The following IQANK1 variants were observed in gnomAD, a reference collection of about 807,000 sequenced individuals.
IQANK1 encodes the protein IQ motif and ankyrin repeat containing 1, also known as IQ motif and ankyrin repeat domain-containing protein 1.
In IQANK1, 30 loss-of-function variants were observed where a neutral mutation model predicts 22.6. The ratio of observed to expected loss-of-function variants is 1.33; its 90% CI spans 0.99 to 1.80. IQANK1 has a LOEUF of 1.80. Among genes scored for constraint, IQANK1 ranks in the 40% most tolerant of loss-of-function variants. The pLI is 0.00. For missense variants in IQANK1, 275 were observed against 235.2 expected, an observed-to-expected ratio of 1.17 and a Z score of -1.11; for synonymous variants, 122 against 99.6, an observed-to-expected ratio of 1.23 and a Z score of -1.34.
intron 3 of IQANK1, chr8:143,743,800 C>T (rs782095645): frequency 5.6e-5 from 23 of 408,444 alleles, no homozygotes; most frequent in Non-Finnish European, 9.5e-5. Context: ...ACATTAGTTT[C>T]ATATATTGTA....
intron 3 of IQANK1, among the ~76,000 whole-genome samples, chr8:143,764,834 T>A (rs1819457381): frequency 6.6e-6 from 1 of 152,110 alleles, no homozygotes; most frequent in African/African-American, 2.4e-5. Flanking sequence ...CTCAAGGAAT[T>A]GCTGGATGCA....
intron 3 of IQANK1, chr8:143,744,704 CCTT>C (rs1371136529): frequency 3.3e-5 from 5 of 152,202 alleles, no homozygotes; most frequent in Admixed American, 2.6e-4. Flanking sequence ...GCAAAGCACT[CCTT>C]CTATCAGGCT....
At chr8:143,778,433 G>A (rs1819732662) in intron 7 of IQANK1, among the ~76,000 whole-genome samples, 1 of 152,188 alleles carries the variant, frequency 6.6e-6, no homozygotes, top group South Asian at 2.1e-4. Context: ...AATGACAAAT[G>A]TAGGAATTCA....
chr8:143,764,349 T>C (rs1554629064), intron 3 of IQANK1, among the ~76,000 whole-genome samples: 1 of 151,646 alleles, frequency 6.6e-6, no homozygotes, highest in African/African-American at 2.4e-5. Flanking sequence ...GCGCAGTGGC[T>C]CCTGCCTTAA....
intron 3 of IQANK1, among the ~76,000 whole-genome samples, chr8:143,765,425 A>G (rs1037173995): frequency 2.0e-5 from 3 of 152,116 alleles, no homozygotes; most frequent in African/African-American, 4.8e-5. Context: ...GAGAATGTCT[A>G]TCTTTACATT....
intron 3 of IQANK1, among the ~76,000 whole-genome samples, chr8:143,767,016 G>A (rs1471298622): frequency 2.0e-5 from 3 of 152,214 alleles, no homozygotes; most frequent in African/African-American, 7.2e-5. Context: ...TGAACCCACG[G>A]CCACTGGTCT....
chr8:143,783,390 A>G (rs1272227928), intron 7 of IQANK1, among the ~76,000 whole-genome samples: 1 of 152,172 alleles, frequency 6.6e-6, no homozygotes, highest in Non-Finnish European at 1.5e-5. Flanking sequence ...TCTTTTTAAA[A>G]GTAGTACCTG....
intron 7 of IQANK1, 69 bp downstream of exon 7, chr8:143,772,551 A>G (rs577882893): frequency 1.5e-5 from 6 of 397,916 alleles, no homozygotes; most frequent in East Asian, 1.4e-4. Context: ...GGGAGGTGTG[A>G]GCCCCGGGAG....
At chr8:143,777,756 TAAAA>T (rs1412698383) in intron 7 of IQANK1, among the ~76,000 whole-genome samples, 1 of 151,898 alleles carries the variant, frequency 6.6e-6, no homozygotes. Context: ...ATGGAATTCT[TAAAA>T]AATATTGCCA....
chr8:143,758,751 A>G lies in IQANK1; in HGVS notation c.176-12737A>G, dbSNP rs1819337647. The stretch of plus-strand genomic sequence containing the variant: ...AGGTCCCAGCGTCCAGTCCTCCAAG[A>G]ACCAGCACTGCCGGAGCCTCGCTGT... On this transcript the variant is annotated intron_variant, in intron 3 of 13. Coordinates refer to ENST00000527139, the MANE Select transcript of IQANK1 (RefSeq NM_001381874.1). The surrounding 1 kb of genome is among the most constrained non-coding windows in gnomAD (Gnocchi z 4.2). 1 of 152,784 alleles carries G rather than the reference A, an allele frequency of 6.5e-6. No homozygotes were observed. Among genetic ancestry groups the G allele is most frequent in the Non-Finnish European group, 1.5e-5 (1 of 68,364 alleles). The allele number at this position is 152,784 out of a possible 1,614,324, so 9.5% of individuals were successfully genotyped here. A position where few individuals can be genotyped will look rare whatever the true frequency, so the allele number is the denominator to read the frequency against.
intron 7 of IQANK1, among the ~76,000 whole-genome samples, chr8:143,776,340 A>AAAAAAG (rs1327892521): frequency 2.7e-5 from 4 of 147,810 alleles, no homozygotes; most frequent in African/African-American, 1.0e-4. Context: ...AAAAAAAAAA[A>AAAAAAG]AAAAAGAAAA....
rs1820012642 is a variant in IQANK1, at chr8:143,790,414, C to G, written c.1489C>G (p.Leu497Val). The part of the protein sequence containing the change: ...EDLFPVVQRQ[L>V]EAVQERYLSL... ...CCTGTTCCCAGTCGTGCAGCGGCAG[C>G]TGGAGGCGGTGCAGGAGAGGTACCT... Residue 497 changes from leucine (L) to valine (V), a missense_variant, in exon 14 of 14, where the codon CTG becomes GTG. Coordinates refer to ENST00000527139, the MANE Select transcript of IQANK1 (RefSeq NM_001381874.1). The G allele has an allele frequency of 1.4e-6, 1 of 734,728 alleles. No homozygotes were observed. The highest frequency in any genetic ancestry group is 3.4e-5 in the East Asian group (1 of 29,342). 45.5% of individuals were successfully genotyped at this position (734,728 alleles called of 1,614,324 possible).
Position 143,735,683 on chromosome 8 carries a change from G to A in IQANK1, c.-4-167G>A, listed in dbSNP as rs1260806256. On this transcript the variant is annotated intron_variant, in intron 1 of 13. Transcript: ENST00000527139. This position sits in a 1 kb window ranked among gnomAD's most constrained non-coding sequence, Gnocchi z 5.2. ...GGCTCAAGCTTCTGGGCACACACCC[G>A]GGGCGGGCAGGCAGACAGGACACCA... 1.3e-5 allele frequency among the ~76,000 whole-genome samples: 2 copies of A among 152,042 alleles called. No individual in the cohort carries two copies. Among genetic ancestry groups the A allele is most frequent in the African/African-American group, 4.8e-5 (2 of 41,362 alleles).
chr8:143,760,199 C>G (rs1280114829), intron 3 of IQANK1, among the ~76,000 whole-genome samples: 1 of 152,180 alleles, frequency 6.6e-6, no homozygotes, highest in Non-Finnish European at 1.5e-5. Context: ...GCAAGTCCTG[C>G]ACACCTGAGA....
chr8:143,780,729 A>G (rs1268580053), intron 7 of IQANK1, among the ~76,000 whole-genome samples: 1 of 152,042 alleles, frequency 6.6e-6, no homozygotes, highest in Non-Finnish European at 1.5e-5. Flanking sequence ...TCTGTCACTG[A>G]TGGGCATTTA....
chr8:143,775,753 T>G (rs966057316), intron 7 of IQANK1, among the ~76,000 whole-genome samples: 5 of 138,904 alleles, frequency 3.6e-5, no homozygotes, highest in Non-Finnish European at 6.1e-5. Flanking sequence ...CAGAGTGAGA[T>G]TCCGCCTCAA....
intron 3 of IQANK1, among the ~76,000 whole-genome samples, chr8:143,750,939 T>G (rs1222975930): frequency 7.6e-6 from 1 of 131,224 alleles, no homozygotes; most frequent in Non-Finnish European, 1.7e-5. Flanking sequence ...AATTACTGTC[T>G]TCTTTTGTGT....
At chr8:143,782,615 G>A (rs1819816077) in intron 7 of IQANK1, among the ~76,000 whole-genome samples, 1 of 152,048 alleles carries the variant, frequency 6.6e-6, no homozygotes, top group Admixed American at 6.6e-5. Context: ...TGAGTAGCTG[G>A]GATTACAGGC....
chr8:143,763,304 G>A (rs561299209), intron 3 of IQANK1, among the ~76,000 whole-genome samples: 8 of 152,330 alleles, frequency 5.3e-5, no homozygotes, highest in South Asian at 4.1e-4. Context: ...GTGAGCCACC[G>A]TGCCCGGCCT....
Sources: gnomAD v4.1 joint callset for allele counts (sites outside exome capture counted in the v4.1 genomes callset) on GRCh38, gnomAD v4.1.1 for gene constraint, Gnocchi (gnomAD v3.1) non-coding constraint, MANE v1.5 for transcripts, NCBI Gene and HGNC (gene_info 2026-07-23, HGNC 2026-07-21) for gene names.